CNBD1: variants seen among roughly 807,000 people sequenced by gnomAD.
CNBD1 encodes cyclic nucleotide-binding domain-containing protein 1.
CNBD1 carries 71 observed loss-of-function variants against 54.4 expected under a neutral mutation model. The ratio of observed to expected loss-of-function variants is 1.30; its 90% CI spans 1.08 to 1.59. CNBD1 has a LOEUF of 1.59. Ranked by LOEUF, CNBD1 falls within the 40% of genes most tolerant of loss-of-function variation. CNBD1 has a pLI of 0.00. For missense variants in CNBD1, 659 were observed against 518.0 expected, an observed-to-expected ratio of 1.27 and a Z score of -2.64; for synonymous variants, 182 against 170.7, an observed-to-expected ratio of 1.07 and a Z score of -0.51.
intron 8 of CNBD1, among the ~76,000 whole-genome samples, chr8:87,300,545 G>T (rs1003252459): frequency 6.6e-6 from 1 of 152,110 alleles, no homozygotes; most frequent in Non-Finnish European, 1.5e-5. Flanking sequence ...TCACTTAATT[G>T]AAGACATTAG....
intron 4 of CNBD1, among the ~76,000 whole-genome samples, chr8:87,033,992 A>G (rs1266965912): frequency 2.0e-5 from 3 of 152,270 alleles, no homozygotes; most frequent in Non-Finnish European, 4.4e-5. Context: ...TCCTGCATCC[A>G]CAAAAAAAAG....
At chr8:87,421,514 G>A (rs970340603) in intron 2 of CNBD1, among the ~76,000 whole-genome samples, 2 of 147,408 alleles carry the variant, frequency 1.4e-5, no homozygotes, top group Non-Finnish European at 3.0e-5. Flanking sequence ...CTATGAGTGA[G>A]AATATGCAGT....
intron 4 of CNBD1, among the ~76,000 whole-genome samples, chr8:87,132,428 A>C (rs1812137439): frequency 6.6e-6 from 1 of 151,226 alleles, no homozygotes; most frequent in South Asian, 2.1e-4. Context: ...AATTTATAAG[A>C]CAGAGAAAAG....
chr8:87,281,624 A>G (rs1400066525), intron 6 of CNBD1, among the ~76,000 whole-genome samples: 1 of 134,586 alleles, frequency 7.4e-6, no homozygotes, highest in Non-Finnish European at 1.6e-5. Flanking sequence ...CCAGTATATT[A>G]AAACTTAGAC....
intron 4 of CNBD1, among the ~76,000 whole-genome samples, chr8:87,008,424 T>G (rs1321328046): frequency 6.6e-6 from 1 of 152,350 alleles, no homozygotes; most frequent in African/African-American, 2.4e-5. Flanking sequence ...ATTACTCTTC[T>G]TAACTATAAC....
rs1420150936 is a variant in CNBD1 at position 87,382,699 on chromosome 8, A to T, written c.*72A>T. ...AATAATGGAATAATTGCATTCTGGA[A>T]TACTATCAAACTACCAGCAATGAAT... On this transcript the variant is annotated 3_prime_UTR_variant, in exon 11 of 11. Coordinates refer to ENST00000518476, the MANE Select transcript of CNBD1 (RefSeq NM_173538.3). The T allele has an allele frequency of 1.7e-6, 2 of 1,145,004 alleles. No individual in the cohort carries two copies. Among genetic ancestry groups the T allele is most frequent in the East Asian group, 2.6e-5 (1 of 38,500 alleles). 70.9% of individuals were successfully genotyped at this position (1,145,004 alleles called of 1,614,324 possible).
intron 8 of CNBD1, among the ~76,000 whole-genome samples, chr8:87,334,343 A>AT (rs1001419973): frequency 3.0e-4 from 46 of 151,672 alleles, no homozygotes; most frequent in East Asian, 1.9e-4. Context: ...GGATTCATTG[A>AT]TTTTTTTGAA....
At chr8:86,907,263 G>C (rs1329646194) in intron 3 of CNBD1, among the ~76,000 whole-genome samples, 1 of 152,202 alleles carries the variant, frequency 6.6e-6, no homozygotes, top group Non-Finnish European at 1.5e-5. Flanking sequence ...TATTGTCACT[G>C]TTGTGAATTT....
chr8:86,979,467 G>A (rs1808423128), intron 4 of CNBD1, among the ~76,000 whole-genome samples: 1 of 146,122 alleles, frequency 6.8e-6, no homozygotes, highest in Non-Finnish European at 1.5e-5. Flanking sequence ...GCACTCACCA[G>A]TTAATACCAG....
At chr8:87,157,942 G>T (rs1423936211) in intron 4 of CNBD1, among the ~76,000 whole-genome samples, 1 of 152,048 alleles carries the variant, frequency 6.6e-6, no homozygotes, top group African/African-American at 2.4e-5. Context: ...ATGGGCTTTG[G>T]AGTCAGGCGA....
At chr8:87,154,516 G>A in intron 4 of CNBD1, among the ~76,000 whole-genome samples, 1 of 152,198 alleles carries the variant, frequency 6.6e-6, no homozygotes, top group East Asian at 1.9e-4. Flanking sequence ...GTGTGCCTCA[G>A]TAAACAATCT....
rs1219917125 is a variant in CNBD1, at chr8:87,359,927, T to G, written c.1303+6141T>G. Among the ~76,000 whole-genome samples the G allele has an allele frequency of 2.0e-5, 3 of 152,008 alleles. 1 individual carries two copies. Among genetic ancestry groups the G allele is most frequent in the African/African-American group, 7.2e-5 (3 of 41,436 alleles). The stretch of plus-strand genomic sequence containing the variant: ...TTCCAATAGAATCCTCAATTATTAG[T>G]TGGTTATGTTGCCTTCACTTTCTAA... On this transcript the variant is annotated intron_variant, in intron 10 of 10. Coordinates refer to ENST00000518476, the MANE Select transcript of CNBD1 (RefSeq NM_173538.3).
chr8:87,234,613 TA>T (rs1563518133), intron 5 of CNBD1, among the ~76,000 whole-genome samples: 1 of 152,190 alleles, frequency 6.6e-6, no homozygotes, highest in Admixed American at 6.5e-5. Flanking sequence ...TAGAATGCTA[TA>T]AAAAGATATG....
At chr8:87,343,998 A>G (rs1227665334) in intron 8 of CNBD1, among the ~76,000 whole-genome samples, 1 of 152,108 alleles carries the variant, frequency 6.6e-6, no homozygotes, top group Non-Finnish European at 1.5e-5. Context: ...CTCTTTGCTT[A>G]GGTTTTGATT....
intron 6 of CNBD1, among the ~76,000 whole-genome samples, chr8:87,253,120 A>G (rs1420188523): frequency 1.3e-5 from 2 of 152,164 alleles, no homozygotes; most frequent in African/African-American, 2.4e-5. Flanking sequence ...TTAAAAAATA[A>G]GCTAAAACAG....
At chr8:87,030,032 C>A (rs1176746749) in intron 4 of CNBD1, among the ~76,000 whole-genome samples, 1 of 152,106 alleles carries the variant, frequency 6.6e-6, no homozygotes, top group African/African-American at 2.4e-5. Context: ...GTACTCTGTT[C>A]ATTGAATTTA....
At chr8:87,145,866 C>T (rs1396583740) in intron 4 of CNBD1, among the ~76,000 whole-genome samples, 2 of 152,114 alleles carry the variant, frequency 1.3e-5, no homozygotes, top group Non-Finnish European at 2.9e-5. Flanking sequence ...TTATACTTAA[C>T]TGGTGTGTTC....
At chr8:87,091,163 T>C (rs1191226695) in intron 4 of CNBD1, among the ~76,000 whole-genome samples, 3 of 150,324 alleles carry the variant, frequency 2.0e-5, no homozygotes, top group Non-Finnish European at 4.4e-5. Context: ...AAAAAAAAGT[T>C]AATCTAGCCT....
intron 6 of CNBD1, among the ~76,000 whole-genome samples, chr8:87,281,338 T>G (rs1168658116): frequency 6.6e-6 from 1 of 151,016 alleles, no homozygotes; most frequent in Non-Finnish European, 1.5e-5. Context: ...TTCTGCCAGT[T>G]TAGCTCCATC....
Sources: allele counts gnomAD v4.1 joint callset (sites outside exome capture counted in the v4.1 genomes callset), GRCh38; gene constraint gnomAD v4.1.1; transcripts MANE v1.5; gene names NCBI Gene and HGNC (gene_info 2026-07-23, HGNC 2026-07-21).